UBTD2: variants seen among roughly 807,000 people sequenced by gnomAD.
The protein encoded by UBTD2 is ubiquitin domain-containing protein 2.
A neutral mutation model predicts 19.8 loss-of-function variants in UBTD2; 9 were observed. The ratio of observed to expected loss-of-function variants is 0.46; its 90% confidence interval spans 0.27 to 0.79. The LOEUF is 0.79. Among genes scored for constraint, UBTD2 ranks in the 30% least tolerant of loss-of-function variants. The probability of loss-of-function intolerance (pLI) is 0.14; values close to 1 mark genes in which losing one functional copy is unlikely to be tolerated. For missense variants in UBTD2, 250 were observed against 300.4 expected, an observed-to-expected ratio of 0.83 and a Z score of 1.24; for synonymous variants, 98 against 103.9, an observed-to-expected ratio of 0.94 and a Z score of 0.35.
At position 172,234,086 on chromosome 5, in the gene UBTD2, T is replaced by A. The variant is rs776343017; in HGVS notation, c.307+36A>T. On this transcript the variant is annotated intron_variant, in intron 2 of 2. Transcript: ENST00000393792. The stretch of plus-strand genomic sequence containing the variant: ...TCTTGCTATCAGAAACAAAGTTGAT[T>A]ATGTTTCCTCTGTCCTTGAGGAACA... 7.5e-6 allele frequency: 12 copies of A among 1,600,208 alleles called. No homozygotes were observed. The South Asian group carries it at 1.3e-4, about 18-fold the overall frequency.
Position 172,211,855 on chromosome 5 carries a change from T to C in UBTD2, c.680A>G (p.Gln227Arg), listed in dbSNP as rs1166153948. Reference sequence around the variant, plus strand: ...TCAGTTCTCCACTGGTGTTGGGTTCTGCACAGGTTGGCTCACTATAACCTG... The same window carrying C: ...TCAGTTCTCCACTGGTGTTGGGTTCCGCACAGGTTGGCTCACTATAACCTG... ...VVQVIVSQPV[Q>R]NPTPVEN The change falls in exon 3 of 3, where the codon CAG becomes CGG. Residue 227 changes from glutamine to arginine, a missense_variant. Transcript: ENST00000393792. 1 of 1,613,504 alleles carries C rather than the reference T, an allele frequency of 6.2e-7. No individual in the cohort carries two copies. Among genetic ancestry groups the C allele is most frequent in the Non-Finnish European group, 8.5e-7 (1 of 1,179,614 alleles).
intron 1 of UBTD2, 35 bp from the exon 2 acceptor site, chr5:172,234,393 A>C: frequency 6.5e-7 from 1 of 1,531,472 alleles, no homozygotes; most frequent in Non-Finnish European, 9.0e-7. Flanking sequence ...GATCAAACCC[A>C]AAATTTATAA....
At chr5:172,232,884 T>C (rs1771931361) in intron 2 of UBTD2, among the ~76,000 whole-genome samples, 1 of 151,732 alleles carries the variant, frequency 6.6e-6, no homozygotes, top group African/African-American at 2.4e-5. Context: ...ACCTGTCTCT[T>C]AAAAAAAGGG....
intron 2 of UBTD2, among the ~76,000 whole-genome samples, chr5:172,218,786 A>AAAT (rs1554127115): frequency 1.7e-4 from 23 of 137,918 alleles, no homozygotes; most frequent in African/African-American, 6.6e-4. Flanking sequence ...AAAAAAAAAA[A>AAAT]AAATAAAAAA....
intron 2 of UBTD2, among the ~76,000 whole-genome samples, chr5:172,213,517 T>C (rs186295353): frequency 1.8e-4 from 27 of 152,270 alleles, no homozygotes; most frequent in African/African-American, 5.8e-4. Flanking sequence ...GGCTATGACA[T>C]AACGAGCTAG....
At chr5:172,245,670 C>T (rs1180027719) in intron 1 of UBTD2, among the ~76,000 whole-genome samples, 1 of 151,716 alleles carries the variant, frequency 6.6e-6, no homozygotes. Flanking sequence ...AGAGATCACA[C>T]CATTGCACTC....
chr5:172,273,112 A>G (rs1755532389), intron 1 of UBTD2, among the ~76,000 whole-genome samples: 2 of 147,328 alleles, frequency 1.4e-5, no homozygotes, highest in African/African-American at 5.0e-5. Flanking sequence ...TAAAAATAAA[A>G]ATCTGTCCAA....
chr5:172,227,647 T>G (rs1209246254), intron 2 of UBTD2, among the ~76,000 whole-genome samples: 1 of 151,180 alleles, frequency 6.6e-6, no homozygotes, highest in Non-Finnish European at 1.5e-5. Context: ...CCTCCCAAAG[T>G]GCTGGGATTA....
intron 2 of UBTD2, among the ~76,000 whole-genome samples, chr5:172,231,474 G>A (rs1229021936): frequency 6.6e-6 from 1 of 152,146 alleles, no homozygotes; most frequent in Non-Finnish European, 1.5e-5. Flanking sequence ...GGGCTGCCGG[G>A]AACATTTTCC....
intron 1 of UBTD2, among the ~76,000 whole-genome samples, chr5:172,252,739 T>C (rs955943341): frequency 3.0e-4 from 45 of 152,142 alleles, no homozygotes; most frequent in Admixed American, 2.9e-3. Flanking sequence ...TTGTACTCAT[T>C]TGTCAAGTCC....
intron 1 of UBTD2, among the ~76,000 whole-genome samples, chr5:172,240,332 G>A (rs1373771843): frequency 6.6e-6 from 1 of 152,140 alleles, no homozygotes; most frequent in African/African-American, 2.4e-5. Flanking sequence ...TATCTGCCTA[G>A]ACAAGTTAGA....
Position 172,210,837 on chromosome 5 carries a change from A to G in UBTD2, c.*993T>C, listed in dbSNP as rs1414795375. 6.6e-6 allele frequency: 1 copy of G among 152,110 alleles called. No individual in the cohort carries two copies. Among genetic ancestry groups the G allele is most frequent in the Non-Finnish European group, 1.5e-5 (1 of 68,030 alleles). The allele number at this position is 152,110 out of a possible 1,614,324, so 9.4% of individuals were successfully genotyped here. ...AGGCTTTCCTTACACCCCTCCATGCAAAGTGGAGGAAATCATTTACTTTAT... is the reference window on the plus strand; with the variant it reads ...AGGCTTTCCTTACACCCCTCCATGCGAAGTGGAGGAAATCATTTACTTTAT... On this transcript the variant is annotated 3_prime_UTR_variant, in exon 3 of 3. Coordinates refer to ENST00000393792, the MANE Select transcript of UBTD2 (RefSeq NM_152277.3).
chr5:172,252,992 T>A (rs1482128214), intron 1 of UBTD2, among the ~76,000 whole-genome samples: 2 of 152,176 alleles, frequency 1.3e-5, no homozygotes, highest in African/African-American at 4.8e-5. Flanking sequence ...GGGGTTAGAT[T>A]CATGGGTAAA....
At chr5:172,215,369 G>A (rs1233745964) in intron 2 of UBTD2, among the ~76,000 whole-genome samples, 2 of 152,186 alleles carry the variant, frequency 1.3e-5, no homozygotes, top group East Asian at 3.8e-4. Context: ...TTTGGGAGAA[G>A]AGAAATACCC....
intron 1 of UBTD2, among the ~76,000 whole-genome samples, chr5:172,274,045 A>G (rs1755555965): frequency 6.6e-6 from 1 of 151,952 alleles, no homozygotes; most frequent in Admixed American, 6.6e-5. Context: ...TCACCGACCC[A>G]GAAAATATGA....
chr5:172,281,868 T>C (rs1268075549), intron 1 of UBTD2, among the ~76,000 whole-genome samples: 6 of 152,196 alleles, frequency 3.9e-5, no homozygotes, highest in Admixed American at 1.3e-4. Flanking sequence ...AAACTTCATG[T>C]ACAGCAGAGC....
chr5:172,253,400 G>T (rs1384820894), intron 1 of UBTD2, among the ~76,000 whole-genome samples: 1 of 151,604 alleles, frequency 6.6e-6, no homozygotes, highest in Non-Finnish European at 1.5e-5. Flanking sequence ...TAAGTCCTGA[G>T]ATATAAATCT....
Position 172,236,289 on chromosome 5 carries a change from A to G in UBTD2, c.71-1931T>C, listed in dbSNP as rs73315969. On this transcript the variant is annotated intron_variant, in intron 1 of 2. Coordinates refer to ENST00000393792, the MANE Select transcript of UBTD2 (RefSeq NM_152277.3). Reference sequence around the variant, plus strand: ...TTCTGAAAGGGTGAGGAAGCAGAATAGGAAACCCATCCATTTAGTAGCAGA... The same window carrying G: ...TTCTGAAAGGGTGAGGAAGCAGAATGGGAAACCCATCCATTTAGTAGCAGA... Among the ~76,000 whole-genome samples the G allele has an allele frequency of 7.2e-3, 1,091 of 152,388 alleles. 12 individuals are homozygous for G. Among genetic ancestry groups the G allele is most frequent in the African/African-American group, 0.025 (1,039 of 41,586 alleles).
In UBTD2 at chr5:172,212,734, G is replaced by A. The variant is rs138507033; in HGVS notation, c.308-507C>T. 1.1e-4 allele frequency among the ~76,000 whole-genome samples: 16 copies of A among 152,006 alleles called. No individual in the cohort carries two copies. The East Asian group carries it at 1.4e-3, about 13-fold the overall frequency. On this transcript the variant is annotated intron_variant, in intron 2 of 2. Coordinates refer to ENST00000393792, the MANE Select transcript of UBTD2 (RefSeq NM_152277.3). ...GGCTGGAGTGCAGCGGCACCATCTCGGCTCACTGCAACCTCTGCCTCCTGG... is the reference window on the plus strand; with the variant it reads ...GGCTGGAGTGCAGCGGCACCATCTCAGCTCACTGCAACCTCTGCCTCCTGG...
Sources: allele counts gnomAD v4.1 joint callset (sites outside exome capture counted in the v4.1 genomes callset), GRCh38; gene constraint gnomAD v4.1.1; transcripts MANE v1.5; gene names NCBI Gene and HGNC (gene_info 2026-07-23, HGNC 2026-07-21).